The following CTSC variants were observed in gnomAD, a reference collection of about 807,000 sequenced individuals.
CTSC encodes the protein dipeptidyl peptidase 1.
A neutral mutation model predicts 40.9 loss-of-function variants in CTSC; 37 were observed. That is an observed-to-expected ratio of 0.91 (90% confidence interval 0.70 to 1.19). CTSC has a LOEUF of 1.19. Ranked by LOEUF, CTSC falls within the 50% of genes most tolerant of loss-of-function variation. CTSC has a pLI of 0.00. For synonymous variants in CTSC, 232 were observed against 207.4 expected (o/e 1.12, Z -1.02); for missense variants, 594 against 567.3 (o/e 1.05, Z -0.48).
intron 5 of CTSC, chr11:88,298,963 T>TA (rs1160703676): frequency 6.6e-6 from 1 of 152,188 alleles, no homozygotes; most frequent in Non-Finnish European, 1.5e-5. Context: ...CCAATGAATT[T>TA]AAAAAATGCT....
chr11:88,336,103 A>C (rs1379112056), intron 1 of CTSC, among the ~76,000 whole-genome samples: 1 of 152,144 alleles, frequency 6.6e-6, no homozygotes, highest in Non-Finnish European at 1.5e-5. Context: ...AAAATGATTC[A>C]GCTGTGTCCA....
At chr11:88,325,668 C>G in intron 2 of CTSC, 1 of 985,090 alleles carries the variant, frequency 1.0e-6, no homozygotes, top group Non-Finnish European at 1.2e-6. Context: ...ATGTCAACTT[C>G]TTAGCACAAA....
At chr11:88,295,080 A>C (rs1405223131) in intron 6 of CTSC, among the ~76,000 whole-genome samples, 3 of 152,102 alleles carry the variant, frequency 2.0e-5, no homozygotes, top group African/African-American at 4.8e-5. Flanking sequence ...CTCTGTTGTT[A>C]TAATTATTTA....
At chr11:88,317,800 A>G (rs1937913230) in intron 2 of CTSC, among the ~76,000 whole-genome samples, 1 of 152,352 alleles carries the variant, frequency 6.6e-6, no homozygotes, top group Non-Finnish European at 1.5e-5. Context: ...AGATGAGATA[A>G]TTTAAGTTTC....
chr11:88,320,842 AT>A (rs1428280557), intron 2 of CTSC: 1 of 853,312 alleles, frequency 1.2e-6, no homozygotes, highest in Admixed American at 6.2e-5. Context: ...TTTTACAAGT[AT>A]TTATTGAAGG....
intron 5 of CTSC, 171 bp from the exon 6 acceptor site, chr11:88,296,435 C>A (rs1273213016): frequency 6.8e-6 from 5 of 739,950 alleles, no homozygotes; most frequent in Non-Finnish European, 2.2e-6. Flanking sequence ...CTTATTAAGG[C>A]AATCATTAAG....
At chr11:88,332,136 G>A (rs769101143) in intron 2 of CTSC, among the ~76,000 whole-genome samples, 9 of 152,176 alleles carry the variant, frequency 5.9e-5, no homozygotes, top group African/African-American at 2.2e-4. Flanking sequence ...TAACAACAAC[G>A]ATGGCAGGTA....
chr11:88,312,009 G>A (rs1346741666), intron 3 of CTSC, among the ~76,000 whole-genome samples: 1 of 152,156 alleles, frequency 6.6e-6, no homozygotes, highest in African/African-American at 2.4e-5. Flanking sequence ...AGTTATTTAT[G>A]GTCTTGTTTA....
intron 2 of CTSC, chr11:88,324,774 G>A: frequency 1.0e-6 from 1 of 985,348 alleles, no homozygotes; most frequent in African/African-American, 1.7e-5. Flanking sequence ...GCTGGGGAGG[G>A]TTTCAGAGAG....
At chr11:88,324,788 C>T (rs1438050515) in intron 2 of CTSC, 15 of 985,050 alleles carry the variant, frequency 1.5e-5, no homozygotes, top group South Asian at 1.4e-4. Flanking sequence ...CAGAGAGCAG[C>T]GTCATCAAGG....
At chr11:88,303,575 A>T (rs1405723490) in intron 4 of CTSC, among the ~76,000 whole-genome samples, 2 of 152,232 alleles carry the variant, frequency 1.3e-5, no homozygotes, top group Non-Finnish European at 2.9e-5. Flanking sequence ...AGGGGCACAC[A>T]GCTTCCATGC....
chr11:88,323,070 CCA>C (rs1284710721), intron 2 of CTSC: 1 of 152,186 alleles, frequency 6.6e-6, no homozygotes, highest in Non-Finnish European at 1.5e-5. Flanking sequence ...AGCTTATCTA[CCA>C]CAGTCAAGTT....
chr11:88,306,972 T>TCC (rs1162755866), intron 4 of CTSC, among the ~76,000 whole-genome samples: 1 of 152,088 alleles, frequency 6.6e-6, no homozygotes, highest in Non-Finnish European at 1.5e-5. Flanking sequence ...CTCTGCATGC[T>TCC]CCCCCTAGGG....
intron 2 of CTSC, chr11:88,320,976 G>C: frequency 2.0e-6 from 2 of 985,156 alleles, no homozygotes; most frequent in Non-Finnish European, 2.4e-6. Context: ...TTATGACACA[G>C]AATACTAAGC....
At chr11:88,326,021 A>G in intron 2 of CTSC, 1 of 1,054,688 alleles carries the variant, frequency 9.5e-7, no homozygotes, top group Non-Finnish European at 1.1e-6. Context: ...TACACTTCAA[A>G]TCCTGACAAT....
intron 2 of CTSC, among the ~76,000 whole-genome samples, chr11:88,314,118 A>C (rs1311027466): frequency 6.6e-6 from 1 of 152,226 alleles, no homozygotes; most frequent in African/African-American, 2.4e-5. Context: ...TTGTTTGCAG[A>C]GGTTGGCAAA....
chr11:88,330,438 T>A (rs1306332432), intron 2 of CTSC, among the ~76,000 whole-genome samples: 2 of 149,276 alleles, frequency 1.3e-5, no homozygotes, highest in Non-Finnish European at 3.0e-5. Flanking sequence ...AACCTCTGCC[T>A]CCTGGGTTCA....
chr11:88,307,625 G>A (rs1487995541), intron 4 of CTSC, among the ~76,000 whole-genome samples: 2 of 142,494 alleles, frequency 1.4e-5, no homozygotes, highest in Non-Finnish European at 3.0e-5. Context: ...TTTTTTTTAG[G>A]TGGCAAATTT....
At chr11:88,330,286 G>C (rs755017748) in intron 2 of CTSC, among the ~76,000 whole-genome samples, 1 of 152,112 alleles carries the variant, frequency 6.6e-6, no homozygotes, top group Non-Finnish European at 1.5e-5. Context: ...GGCCCTAAAT[G>C]TAATATGCAA....
Sources: gnomAD v4.1 joint callset for allele counts (sites outside exome capture counted in the v4.1 genomes callset) on GRCh38, gnomAD v4.1.1 for gene constraint, MANE v1.5 for transcripts, NCBI Gene and HGNC (gene_info 2026-07-23, HGNC 2026-07-21) for gene names.